Variants in INPP5D observed in about 807,000 individuals in gnomAD.
INPP5D encodes the protein phosphatidylinositol 3,4,5-trisphosphate 5-phosphatase 1.
In INPP5D, 33 loss-of-function variants were observed where a neutral mutation model predicts 122.9. The observed-to-expected ratio is 0.27, with a 90% confidence interval of 0.20 to 0.36. The LOEUF is 0.36. Ranked by LOEUF, INPP5D falls within the 10% of genes least tolerant of loss-of-function variation. The pLI is 1.00. For synonymous variants in INPP5D, 584 were observed against 576.2 expected (o/e 1.01, Z -0.19); for missense variants, 1,053 against 1,412.7 (o/e 0.75, Z 4.08).
intron 9 of INPP5D, among the ~76,000 whole-genome samples, chr2:233,155,049 A>G (rs1184440076): frequency 6.6e-6 from 1 of 152,192 alleles, no homozygotes; most frequent in Non-Finnish European, 1.5e-5. Flanking sequence ...TCTACAGATA[A>G]AAAGAAATGG....
chr2:233,194,006 T>G (rs1313461777), intron 23 of INPP5D, 45 bp downstream of exon 23: 2 of 1,527,678 alleles, frequency 1.3e-6, no homozygotes, highest in Non-Finnish European at 1.8e-6. Context: ...GCCCCCCACT[T>G]AGGGACGGGA....
intron 17 of INPP5D, among the ~76,000 whole-genome samples, chr2:233,172,619 T>C (rs535859086): frequency 6.6e-6 from 1 of 152,300 alleles, no homozygotes; most frequent in South Asian, 2.1e-4. Flanking sequence ...TTACTGATTG[T>C]GTGACATCAG....
intron 2 of INPP5D, among the ~76,000 whole-genome samples, chr2:233,119,031 A>G (rs2106252230): frequency 6.6e-6 from 1 of 152,354 alleles, no homozygotes; most frequent in Non-Finnish European, 1.5e-5. Context: ...CAAGTCTAAG[A>G]TGTTTACCTT....
Position 233,193,965 on chromosome 2 carries a change from A to T in INPP5D, c.2596+4A>T, listed in dbSNP as rs376675738. 1.9e-6 allele frequency: 3 copies of T among 1,593,086 alleles called. No homozygotes were observed. The highest frequency in any genetic ancestry group is 2.6e-6 in the Non-Finnish European group (3 of 1,166,452). On this transcript the variant is annotated splice_donor_region_variant and intron_variant, in intron 23 of 26. Transcript: ENST00000445964. Reference sequence around the variant, plus strand: ...AAGACGAGGGAGAAGCTCTATGGTAAGCAGCAAGCCCCTCCCCAGCGCCCT... The same window carrying T: ...AAGACGAGGGAGAAGCTCTATGGTATGCAGCAAGCCCCTCCCCAGCGCCCT...
At chr2:233,115,445 G>T (rs1372155146) in intron 2 of INPP5D, among the ~76,000 whole-genome samples, 1 of 152,212 alleles carries the variant, frequency 6.6e-6, no homozygotes, top group East Asian at 1.9e-4. Context: ...GTGTTGGAAA[G>T]TCAGAGCCCA....
chr2:233,110,404 T>G (rs1045640924), intron 2 of INPP5D, among the ~76,000 whole-genome samples: 1 of 152,098 alleles, frequency 6.6e-6, no homozygotes, highest in African/African-American at 2.4e-5. Context: ...CTCATTATGT[T>G]GCCCAGGCTG....
At chr2:233,112,723 G>C (rs1210134055) in intron 2 of INPP5D, among the ~76,000 whole-genome samples, 1 of 152,108 alleles carries the variant, frequency 6.6e-6, no homozygotes, top group Non-Finnish European at 1.5e-5. Context: ...CTAGGCTGGA[G>C]TGCAGTGGTA....
intron 1 of INPP5D, among the ~76,000 whole-genome samples, chr2:233,073,264 T>A (rs1691428890): frequency 6.6e-6 from 1 of 152,198 alleles, no homozygotes; most frequent in African/African-American, 2.4e-5. Flanking sequence ...TGTCACAGGT[T>A]TGTCCATTTA....
In INPP5D at chr2:233,147,482, G is replaced by A. The variant is rs970671428; in HGVS notation, c.918G>A (p.Glu306=). The change falls in exon 9 of 27, where the codon GAG becomes GAA. Residue 306 remains glutamate, a synonymous_variant. Transcript: ENST00000445964. ...TCTTCTCTTCTAAGGTGAAGGCAGA[G>A]TCTCTGGGGATTCCTCAGAAAATGC... The part of the protein sequence containing the change: ...IPPVTFEVKA[E]SLGIPQKMQL... 9 of 704,178 alleles carry A rather than the reference G, an allele frequency of 1.3e-5. No homozygotes were observed. In the East Asian group the frequency reaches 2.1e-4, roughly 17 times the overall value. The allele number at this position is 704,178 out of a possible 1,614,324, so 43.6% of individuals were successfully genotyped here. A position where few individuals can be genotyped will look rare whatever the true frequency, so the allele number is the denominator to read the frequency against.
chr2:233,165,354 GTGTC>G (rs936301261), intron 13 of INPP5D, among the ~76,000 whole-genome samples: 13 of 141,662 alleles, frequency 9.2e-5, no homozygotes, highest in Non-Finnish European at 1.7e-4. Context: ...ATGTGTGTGA[GTGTC>G]TGTATGTGTG....
At chr2:233,174,810 A>C (rs1694577527) in intron 17 of INPP5D, among the ~76,000 whole-genome samples, 1 of 142,856 alleles carries the variant, frequency 7.0e-6, no homozygotes, top group Non-Finnish European at 1.6e-5. Flanking sequence ...AAAAAAAAAA[A>C]GGACTTAACT....
chr2:233,174,306 C>T (rs1478328580), intron 17 of INPP5D, among the ~76,000 whole-genome samples: 1 of 152,246 alleles, frequency 6.6e-6, no homozygotes, highest in Admixed American at 6.5e-5. Context: ...TCCCCAGAAG[C>T]ATGTGAGTAA....
intron 1 of INPP5D, among the ~76,000 whole-genome samples, chr2:233,063,440 A>C (rs1035721028): frequency 2.0e-5 from 3 of 152,348 alleles, no homozygotes; most frequent in East Asian, 3.9e-4. Context: ...TCAGGAACTG[A>C]GAGCAGCCTC....
At chr2:233,083,341 T>C (rs1460482078) in intron 2 of INPP5D, among the ~76,000 whole-genome samples, 2 of 152,218 alleles carry the variant, frequency 1.3e-5, no homozygotes, top group African/African-American at 4.8e-5. Flanking sequence ...CTCTTTGGGC[T>C]ATGGGCTTCA....
At chr2:233,135,845 C>A (rs1433423037) in intron 5 of INPP5D, among the ~76,000 whole-genome samples, 1 of 152,026 alleles carries the variant, frequency 6.6e-6, no homozygotes, top group Non-Finnish European at 1.5e-5. Flanking sequence ...TTTTATAGTC[C>A]TGGTGATCTT....
intron 2 of INPP5D, among the ~76,000 whole-genome samples, chr2:233,087,260 C>G (rs1691877222): frequency 6.6e-6 from 1 of 152,174 alleles, no homozygotes; most frequent in Non-Finnish European, 1.5e-5. Context: ...TGCTCTTTAA[C>G]CCCTTACCCT....
chr2:233,150,855 C>G (rs1176608420), intron 9 of INPP5D, among the ~76,000 whole-genome samples: 3 of 152,114 alleles, frequency 2.0e-5, no homozygotes, highest in African/African-American at 7.2e-5. Context: ...CGAGGTGGCT[C>G]TGACCGGGAT....
chr2:233,172,652 C>A (rs1382031627), intron 17 of INPP5D, among the ~76,000 whole-genome samples: 1 of 152,032 alleles, frequency 6.6e-6, no homozygotes, highest in Non-Finnish European at 1.5e-5. Context: ...GAGAAAATAC[C>A]CAGAAGGCAG....
intron 6 of INPP5D, chr2:233,140,767 C>T (rs1693616014): frequency 6.6e-6 from 1 of 152,232 alleles, no homozygotes; most frequent in African/African-American, 2.4e-5. Flanking sequence ...TTTCAAACTT[C>T]TGGCCATCTT....
Sources: allele counts gnomAD v4.1 joint callset (sites outside exome capture counted in the v4.1 genomes callset), GRCh38; gene constraint gnomAD v4.1.1; transcripts MANE v1.5; gene names NCBI Gene and HGNC (gene_info 2026-07-23, HGNC 2026-07-21).